The following ATRIP variants were observed in gnomAD, a reference collection of about 807,000 sequenced individuals.
The protein encoded by ATRIP is ATR interacting protein.
ATRIP carries 44 observed loss-of-function variants against 78.1 expected under a neutral mutation model. The ratio of observed to expected loss-of-function variants is 0.56; its 90% CI spans 0.44 to 0.72. The LOEUF (loss-of-function observed/expected upper bound fraction) is 0.72. ATRIP is among the 30% of genes least tolerant of loss of function. ATRIP has a pLI of 0.00. For synonymous variants in ATRIP, 388 were observed against 408.9 expected, an observed-to-expected ratio of 0.95 and a Z score of 0.62; for missense variants, 927 against 980.2, an observed-to-expected ratio of 0.95 and a Z score of 0.72.
In ATRIP at chr3:48,450,026, A is replaced by G. The variant is rs775553560; in HGVS notation, c.248-11A>G. ...TGGGTCCTGAAATGTATATGGAACTATTTTTTACAGGTGATCATAAGGTCC... is the reference window on the plus strand; with the variant it reads ...TGGGTCCTGAAATGTATATGGAACTGTTTTTTACAGGTGATCATAAGGTCC... On this transcript the variant is annotated splice_polypyrimidine_tract_variant and intron_variant, in intron 1 of 12. Coordinates refer to ENST00000320211, the MANE Select transcript of ATRIP (RefSeq NM_130384.3). 13 of 1,603,654 alleles carry G rather than the reference A, an allele frequency of 8.1e-6. No homozygotes were observed. The highest frequency in any genetic ancestry group is 8.1e-5 in the African/African-American group (6 of 74,346).
intron 3 of ATRIP, 88 bp downstream of exon 3, chr3:48,451,987 TCA>T: frequency 7.8e-7 from 1 of 1,276,098 alleles, no homozygotes; most frequent in Non-Finnish European, 1.1e-6. Context: ...CAGGGAGATT[TCA>T]ACACTTGTTT....
At chr3:48,450,467 A>G (rs766393286) in intron 2 of ATRIP, 7 of 1,254,092 alleles carry the variant, frequency 5.6e-6, no homozygotes, top group Middle Eastern at 2.1e-4. Context: ...ATACAACTTC[A>G]TAATGGTTGC....
chr3:48,464,552 C>T (rs1355036286), intron 10 of ATRIP, 30 bp from the exon 11 acceptor site: 2 of 1,611,038 alleles, frequency 1.2e-6, no homozygotes, highest in Admixed American at 3.3e-5. Context: ...TCCTTCTGCC[C>T]AGGATGGAAC....
Position 48,451,082 on chromosome 3 carries a change from G to C in ATRIP, c.382-647G>C, listed in dbSNP as rs1243679632. ...CGGGCACCTGTAATCTCAGCTACTCGGGAGGCTGAGGCAGGAGAATTGCTG... is the reference window on the plus strand; with the variant it reads ...CGGGCACCTGTAATCTCAGCTACTCCGGAGGCTGAGGCAGGAGAATTGCTG... On this transcript the variant is annotated intron_variant, in intron 2 of 12. Coordinates refer to ENST00000320211, the MANE Select transcript of ATRIP (RefSeq NM_130384.3). Among the ~76,000 whole-genome samples, 6 of 151,876 alleles carry C rather than the reference G, an allele frequency of 4.0e-5. No homozygotes were observed. In the East Asian group the frequency reaches 7.8e-4, roughly 20 times the overall value.
At chr3:48,464,768 G>T (rs191784179) in intron 11 of ATRIP, 63 bp from the exon 12 acceptor site, 1 of 1,602,430 alleles carries the variant, frequency 6.2e-7, no homozygotes, top group Non-Finnish European at 8.5e-7. Context: ...GCTAGGCTGA[G>T]CGGATTGTTA....
In ATRIP at chr3:48,446,816, G is replaced by T; in HGVS notation, c.-30G>T. 7.2e-7 allele frequency: 1 copy of T among 1,382,486 alleles called. No individual in the cohort carries two copies. Among genetic ancestry groups the T allele is most frequent in the Non-Finnish European group, 9.4e-7 (1 of 1,066,976 alleles). The allele number at this position is 1,382,486 out of a possible 1,614,324, so 85.6% of individuals were successfully genotyped here. ...TGGCGGCAGGCAAGTCTAGCTCGGC[G>T]CTGTCGGATACTTGGGGTGAGCGGA... On this transcript the variant is annotated 5_prime_UTR_variant, in exon 1 of 13. Transcript: ENST00000320211.
At chr3:48,452,019 A>G (rs1300870280) in intron 3 of ATRIP, 120 bp downstream of exon 3, 5 of 1,000,884 alleles carry the variant, frequency 5.0e-6, no homozygotes, top group African/African-American at 3.3e-5. Context: ...ACTTTCTGCT[A>G]TCATCTCATT....
rs555661544 is a variant in ATRIP at position 48,458,562 on chromosome 3, C to T, written c.830-797C>T. On this transcript the variant is annotated intron_variant, in intron 5 of 12. Transcript: ENST00000320211. ...GTCTCAATCTCATGACCTCGTGATC[C>T]ACCCACTTCAGCCTCCCAAAATGCT... Among the ~76,000 whole-genome samples, 304 of 152,266 alleles carry T rather than the reference C, an allele frequency of 2.0e-3. 1 individual carries two copies. Among genetic ancestry groups the T allele is most frequent in the Non-Finnish European group, 3.5e-3 (237 of 68,028 alleles).
chr3:48,467,172 C>G lies in ATRIP; in HGVS notation c.*1618C>G. 1 of 1,613,870 alleles carries G rather than the reference C, an allele frequency of 6.2e-7. No individual in the cohort carries two copies. Among genetic ancestry groups the G allele is most frequent in the East Asian group, 2.2e-5 (1 of 44,864 alleles). ...AGCAAGCAGCCCCTCAGAACACGGCCCAAGGAAGAGCTATAGCCTAGGCAG... is the reference window on the plus strand; with the variant it reads ...AGCAAGCAGCCCCTCAGAACACGGCGCAAGGAAGAGCTATAGCCTAGGCAG... On this transcript the variant is annotated 3_prime_UTR_variant, in exon 13 of 13. Coordinates refer to ENST00000320211, the MANE Select transcript of ATRIP (RefSeq NM_130384.3).
intron 3 of ATRIP, among the ~76,000 whole-genome samples, chr3:48,453,421 A>T (rs1297806483): frequency 6.6e-6 from 1 of 152,154 alleles, no homozygotes; most frequent in Non-Finnish European, 1.5e-5. Context: ...GGTCAGACAA[A>T]CCTGAATTTG....
intron 8 of ATRIP, 88 bp downstream of exon 8, chr3:48,460,887 T>C (rs546237430): frequency 2.4e-6 from 3 of 1,258,184 alleles, no homozygotes; most frequent in South Asian, 3.0e-5. Context: ...TTTGCTCACA[T>C]CTTGACTTAT....
At chr3:48,451,701 T>G in intron 2 of ATRIP, 28 bp from the exon 3 acceptor site, 1 of 1,564,052 alleles carries the variant, frequency 6.4e-7, no homozygotes, top group South Asian at 1.2e-5. Flanking sequence ...CTTACAAAGT[T>G]TTCACGAGAT....
chr3:48,463,764 G>A lies in ATRIP; in HGVS notation c.1765G>A (p.Val589Met), dbSNP rs575298308. ...FLPRFQCVFQ[V>M]LPKCLSPETP... ...TTTTAGGTTCCAGTGTGTGTTCCAA[G>A]TGCTGCCAAAGTGCCTCAGCCCAGA... Residue 589 changes from valine to methionine, a missense_variant, in exon 9 of 13, where the codon GTG (valine) becomes ATG (methionine). Val to Met is a conservative substitution (Grantham distance 21). Transcript: ENST00000320211. 6.2e-7 allele frequency: 1 copy of A among 1,614,134 alleles called. No homozygotes were observed. Among genetic ancestry groups the A allele is most frequent in the African/African-American group, 1.3e-5 (1 of 75,024 alleles).
chr3:48,448,957 C>T (rs567356694), intron 1 of ATRIP, among the ~76,000 whole-genome samples: 1 of 152,274 alleles, frequency 6.6e-6, no homozygotes, highest in African/African-American at 2.4e-5. Context: ...ACCTGTAGAG[C>T]CTAACATGCC....
chr3:48,464,012 CTGAG>C (rs933938049), intron 9 of ATRIP, 25 bp from the exon 10 acceptor site: 2 of 1,607,308 alleles, frequency 1.2e-6, no homozygotes, highest in African/African-American at 2.7e-5. Flanking sequence ...AAAGGGCACC[CTGAG>C]TGAGAGGTGC....
In ATRIP at chr3:48,458,078, CT is replaced by C. The variant is rs1328630526; in HGVS notation, c.829+679del. On this transcript the variant is annotated intron_variant, in intron 5 of 12. Transcript: ENST00000320211. The stretch of plus-strand genomic sequence containing the variant: ...GAGTTGTGTCAAAGCATTTGTGGGC[CT>C]TTTTTTTTTTTTTTTTGAGGCGGAG... Among the ~76,000 whole-genome samples the C allele has an allele frequency of 6.6e-3, 884 of 133,824 alleles. 5 individuals carry two copies. Among genetic ancestry groups the C allele is most frequent in the African/African-American group, 0.019 (683 of 36,264 alleles). The allele number at this position is 133,824 out of a possible 152,430, so 87.8% of individuals were successfully genotyped here. A position where few individuals can be genotyped will look rare whatever the true frequency, so the allele number is the denominator to read the frequency against.
Position 48,466,964 on chromosome 3 carries a change from C to T in ATRIP, c.*1410C>T, listed in dbSNP as rs578154315. The T allele has an allele frequency of 5.6e-6, 9 of 1,612,386 alleles. No individual in the cohort carries two copies. Among genetic ancestry groups the T allele is most frequent in the African/African-American group, 1.3e-5 (1 of 75,068 alleles). ...ATGGGCGTCAATGTTTTGATGACAA[C>T]CTGGCCAACCTGCTCCTAGCCTTCC... On this transcript the variant is annotated 3_prime_UTR_variant, in exon 13 of 13. Transcript: ENST00000320211.
chr3:48,454,727 A>G lies in ATRIP; in HGVS notation c.671+309A>G, dbSNP rs190428574. ...GTGGGCTAGTCTCTACTTTTATGTA[A>G]TTTGTTTAACTGATTTTGTTGCAAG... On this transcript the variant is annotated intron_variant, in intron 4 of 12. Coordinates refer to ENST00000320211, the MANE Select transcript of ATRIP (RefSeq NM_130384.3). 2.1e-3 allele frequency among the ~76,000 whole-genome samples: 324 copies of G among 152,220 alleles called. 4 individuals are homozygous for G. Among genetic ancestry groups the G allele is most frequent in the African/African-American group, 7.4e-3 (307 of 41,530 alleles).
At position 48,460,570 on chromosome 3, in the gene ATRIP, G is replaced by T; in HGVS notation, c.1516G>T (p.Ala506Ser). The T allele has an allele frequency of 6.2e-7, 1 of 1,614,194 alleles. No individual in the cohort carries two copies. Among genetic ancestry groups the T allele is most frequent in the South Asian group, 1.1e-5 (1 of 91,090 alleles). The change falls in exon 8 of 13, where the codon GCT (alanine) becomes TCT (serine). Residue 506 changes from alanine (A) to serine (S), a missense_variant. Transcript: ENST00000320211. ...GTCAGGAGTGGGGGCAGATTCTGCT[G>T]CTGGGGAAGGAAACAGGAGCCTGGT... The part of the protein sequence containing the change: ...LLSGVGADSA[A>S]GEGNRSLVHR...
Sources: gnomAD v4.1 joint callset for allele counts (sites outside exome capture counted in the v4.1 genomes callset) on GRCh38, gnomAD v4.1.1 for gene constraint, MANE v1.5 for transcripts, NCBI Gene and HGNC (gene_info 2026-07-23, HGNC 2026-07-21) for gene names.